Variants in TRAIP observed in about 807,000 individuals in gnomAD.
The protein encoded by TRAIP is TRAF interacting protein.
In TRAIP, 37 loss-of-function variants were observed where a neutral mutation model predicts 65.0. That is an observed-to-expected ratio of 0.57 (90% CI 0.44 to 0.75). The LOEUF is 0.75. TRAIP is among the 30% of genes least tolerant of loss of function. TRAIP has a pLI of 0.00. For missense variants in TRAIP, 481 were observed against 579.4 expected (o/e 0.83, Z 1.74); for synonymous variants, 187 against 219.1 (o/e 0.85, Z 1.29).
chr3:49,829,386 G>A, intron 14 of TRAIP, 72 bp downstream of exon 14: 3 of 1,612,600 alleles, frequency 1.9e-6, no homozygotes, highest in Non-Finnish European at 2.5e-6. Context: ...GCACTGGCAG[G>A]CTGGGGGTAT....
intron 3 of TRAIP, among the ~76,000 whole-genome samples, chr3:49,846,858 G>A (rs1332607319): frequency 6.6e-6 from 1 of 152,158 alleles, no homozygotes; most frequent in Non-Finnish European, 1.5e-5. Context: ...GGGTAACATA[G>A]CAAGGCCCTA....
At chr3:49,846,305 C>T (rs1399095954) in intron 3 of TRAIP, among the ~76,000 whole-genome samples, 1 of 152,080 alleles carries the variant, frequency 6.6e-6, no homozygotes, top group East Asian at 1.9e-4. Context: ...CTCAAGTGAT[C>T]TGCCCACCTT....
At chr3:49,842,038 C>T (rs927664213) in intron 6 of TRAIP, 99 bp from the exon 7 acceptor site, 1 of 944,674 alleles carries the variant, frequency 1.1e-6, no homozygotes, top group Non-Finnish European at 1.7e-6. Flanking sequence ...GCTAAGGTAA[C>T]AGGCTAGGCT....
In TRAIP at chr3:49,842,431, C is replaced by T. The variant is rs781113213; in HGVS notation, c.503+22G>A. 2.5e-6 allele frequency: 4 copies of T among 1,612,636 alleles called. No individual in the cohort carries two copies. The African/African-American group carries it at 4.0e-5, about 16-fold the overall frequency. On this transcript the variant is annotated intron_variant, in intron 6 of 14. Coordinates refer to ENST00000331456, the MANE Select transcript of TRAIP (RefSeq NM_005879.3). ...AGGCCCTGGGGGCAAAGGCACAGTG[C>T]AGGACCCAGCTCCAAACTCACTGCT...
At chr3:49,846,935 C>A (rs897077860) in intron 3 of TRAIP, among the ~76,000 whole-genome samples, 15 of 152,114 alleles carry the variant, frequency 9.9e-5, no homozygotes, top group Admixed American at 4.6e-4. Flanking sequence ...AATCTCAGCA[C>A]TTTGGGAGGC....
intron 8 of TRAIP, among the ~76,000 whole-genome samples, chr3:49,840,722 G>C (rs543968137): frequency 6.6e-6 from 1 of 152,352 alleles, no homozygotes; most frequent in Admixed American, 6.5e-5. Flanking sequence ...CAGCTGAGAG[G>C]TACCCAGGAG....
Position 49,839,810 on chromosome 3 carries a change from T to C in TRAIP, c.846A>G (p.Pro282=). ...GGCGGTCGACAGTCTCACTGGCCAC[T>C]GGTGGCAGGTTCAAGGTTTCCTGCA... ...TMLQETLNLP[P]VASETVDRLV... Residue 282 remains proline, a synonymous_variant, in exon 10 of 15, where the codon CCA becomes CCG. Coordinates refer to ENST00000331456, the MANE Select transcript of TRAIP (RefSeq NM_005879.3). 1 of 1,614,236 alleles carries C rather than the reference T, an allele frequency of 6.2e-7. No individual in the cohort carries two copies. Among genetic ancestry groups the C allele is most frequent in the Non-Finnish European group, 8.5e-7 (1 of 1,180,042 alleles).
rs1214642411 is a variant in TRAIP, at chr3:49,840,609, G to C, written c.706-236C>G. The C allele has an allele frequency of 1.1e-5, 6 of 568,622 alleles. No homozygotes were observed. The African/African-American group carries it at 1.1e-4, about 11-fold the overall frequency. The allele number at this position is 568,622 out of a possible 1,614,324, so 35.2% of individuals were successfully genotyped here. On this transcript the variant is annotated intron_variant, in intron 8 of 14. Transcript: ENST00000331456. Reference sequence around the variant, plus strand: ...TGGATGCACCATGCCAGAAGTAAAAGCAGCTGTGCTGACCGAATCAGGTTC... The same window carrying C: ...TGGATGCACCATGCCAGAAGTAAAACCAGCTGTGCTGACCGAATCAGGTTC...
At chr3:49,834,763 G>C (rs575925712) in intron 10 of TRAIP, among the ~76,000 whole-genome samples, 1 of 152,166 alleles carries the variant, frequency 6.6e-6, no homozygotes, top group South Asian at 2.1e-4. Flanking sequence ...AGGACCACCA[G>C]GTATGGGAGG....
intron 11 of TRAIP, 64 bp downstream of exon 11, chr3:49,831,852 C>T (rs1436713317): frequency 1.6e-5 from 23 of 1,445,326 alleles, no homozygotes; most frequent in Non-Finnish European, 2.0e-5. Flanking sequence ...CAGCACAGGG[C>T]CTGCAGAGCT....
At chr3:49,855,583 A>G (rs889358943) in intron 1 of TRAIP, among the ~76,000 whole-genome samples, 1 of 152,258 alleles carries the variant, frequency 6.6e-6, no homozygotes, top group African/African-American at 2.4e-5. Flanking sequence ...CTCCCTCAGC[A>G]TGGGGCTCAG....
chr3:49,845,814 A>C (rs554428627), intron 3 of TRAIP, among the ~76,000 whole-genome samples: 1 of 152,210 alleles, frequency 6.6e-6, no homozygotes, highest in African/African-American at 2.4e-5. Flanking sequence ...CAGGGAAGAC[A>C]CTACTTAAAA....
intron 4 of TRAIP, 58 bp downstream of exon 4, chr3:49,844,483 C>A: frequency 3.1e-6 from 5 of 1,602,474 alleles, no homozygotes; most frequent in Non-Finnish European, 4.3e-6. Flanking sequence ...CTAGGGCCCC[C>A]TTCCTCCAGC....
At chr3:49,835,926 A>G (rs1427751860) in intron 10 of TRAIP, among the ~76,000 whole-genome samples, 3 of 147,576 alleles carry the variant, frequency 2.0e-5, no homozygotes, top group East Asian at 2.0e-4. Context: ...GCTACAGAGC[A>G]AGACTCCATC....
At position 49,847,481 on chromosome 3, in the gene TRAIP, G is replaced by A. The variant is rs180855403; in HGVS notation, c.240+44C>T. On this transcript the variant is annotated intron_variant, in intron 3 of 14. Coordinates refer to ENST00000331456, the MANE Select transcript of TRAIP (RefSeq NM_005879.3). ...GAAAAGAAAAAAGAAAAGTGAACTC[G>A]CACAAGGCTTGGAGTTCAGTAGAAT... The A allele has an allele frequency of 7.9e-5, 99 of 1,258,194 alleles. 1 individual carries two copies. The East Asian group carries it at 1.5e-3, about 19-fold the overall frequency. The allele number at this position is 1,258,194 out of a possible 1,614,324, so 77.9% of individuals were successfully genotyped here.
intron 1 of TRAIP, among the ~76,000 whole-genome samples, chr3:49,848,413 T>C (rs1166319715): frequency 1.3e-5 from 2 of 152,212 alleles, no homozygotes; most frequent in Admixed American, 6.5e-5. Flanking sequence ...TTTTTGGCCC[T>C]GTTGGCTTGG....
At chr3:49,837,647 T>C (rs1358830198) in intron 10 of TRAIP, among the ~76,000 whole-genome samples, 5 of 151,870 alleles carry the variant, frequency 3.3e-5, no homozygotes, top group Non-Finnish European at 5.9e-5. Context: ...AGTGGCACGA[T>C]CTCGGCTCAC....
intron 11 of TRAIP, 55 bp from the exon 12 acceptor site, chr3:49,830,123 G>A (rs1575388317): frequency 6.3e-7 from 1 of 1,590,780 alleles, no homozygotes; most frequent in East Asian, 2.2e-5. Flanking sequence ...GGGGGCAGGT[G>A]AACCAGGCTC....
intron 10 of TRAIP, among the ~76,000 whole-genome samples, chr3:49,838,897 G>T (rs1186804134): frequency 2.0e-5 from 3 of 149,458 alleles, no homozygotes; most frequent in Non-Finnish European, 4.4e-5. Context: ...AAAAAAAAAA[G>T]ATTAAAGACT....
Sources: gnomAD v4.1 joint callset for allele counts (sites outside exome capture counted in the v4.1 genomes callset) on GRCh38, gnomAD v4.1.1 for gene constraint, MANE v1.5 for transcripts, NCBI Gene and HGNC (gene_info 2026-07-23, HGNC 2026-07-21) for gene names.